DPYD: variants seen among roughly 807,000 people sequenced by gnomAD.
DPYD encodes the protein dihydropyrimidine dehydrogenase [NADP(+)].
A neutral mutation model predicts 116.2 loss-of-function variants in DPYD; 109 were observed. The ratio of observed to expected loss-of-function variants is 0.94; its 90% CI spans 0.80 to 1.10. DPYD has a LOEUF of 1.10. Ranked by LOEUF, DPYD falls within the 50% of genes least tolerant of loss-of-function variation. The pLI is 0.00. For missense variants in DPYD, 1,302 were observed against 1,254.5 expected, an observed-to-expected ratio of 1.04 and a Z score of -0.57; for synonymous variants, 440 against 432.0, an observed-to-expected ratio of 1.02 and a Z score of -0.23.
At chr1:97,865,122 A>C (rs944408912) in intron 2 of DPYD, among the ~76,000 whole-genome samples, 7 of 151,980 alleles carry the variant, frequency 4.6e-5, no homozygotes, top group Admixed American at 2.6e-4. Context: ...CATTCTCACC[A>C]GGGGGTTTGA....
chr1:97,421,691 G>C (rs1674593505), intron 14 of DPYD, among the ~76,000 whole-genome samples: 1 of 152,136 alleles, frequency 6.6e-6, no homozygotes, highest in Non-Finnish European at 1.5e-5. Flanking sequence ...CAGGCACCCT[G>C]TCTCCATGTC....
intron 15 of DPYD, among the ~76,000 whole-genome samples, chr1:97,378,142 C>T (rs1671743240): frequency 6.6e-6 from 1 of 152,180 alleles, no homozygotes; most frequent in Non-Finnish European, 1.5e-5. Flanking sequence ...TGAGATAGAC[C>T]TGGGACAGGT....
chr1:97,410,898 G>C (rs1170252858), intron 14 of DPYD, among the ~76,000 whole-genome samples: 2 of 152,048 alleles, frequency 1.3e-5, no homozygotes, highest in Admixed American at 1.3e-4. Context: ...AAAGTTCCTA[G>C]AACTGTGAGC....
intron 1 of DPYD, among the ~76,000 whole-genome samples, chr1:97,898,727 G>C (rs989403452): frequency 6.6e-6 from 1 of 151,848 alleles, no homozygotes; most frequent in African/African-American, 2.4e-5. Context: ...CTAGGTGAAG[G>C]TAACTGAATC....
At chr1:97,747,241 C>T (rs74108303) in intron 3 of DPYD, among the ~76,000 whole-genome samples, 2 of 152,012 alleles carry the variant, frequency 1.3e-5, no homozygotes, top group East Asian at 1.9e-4. Context: ...GAAAAAAATA[C>T]GTAAAAGCAT....
chr1:97,603,715 A>C (rs1362501813), intron 8 of DPYD, among the ~76,000 whole-genome samples: 2 of 152,168 alleles, frequency 1.3e-5, no homozygotes, highest in African/African-American at 4.8e-5. Flanking sequence ...TTTTTACTCA[A>C]GTAAATTCTT....
chr1:97,832,719 A>G (rs188537516), intron 2 of DPYD, among the ~76,000 whole-genome samples: 129 of 152,334 alleles, frequency 8.5e-4, no homozygotes, highest in African/African-American at 3.0e-3. Flanking sequence ...CTCCTGCCAA[A>G]TGAATCCCCA....
At chr1:97,399,634 T>C (rs978332886) in intron 14 of DPYD, among the ~76,000 whole-genome samples, 33 of 152,132 alleles carry the variant, frequency 2.2e-4, no homozygotes, top group African/African-American at 8.0e-4. Context: ...TGAGCAGTGG[T>C]TTGTAGTTCT....
Position 97,187,566 on chromosome 1 carries a change from T to C in DPYD, c.2622+5503A>G, listed in dbSNP as rs147472939. On this transcript the variant is annotated intron_variant, in intron 20 of 22. Transcript: ENST00000370192. ...ATTATTTCATTTGCTGTGCAGAAGCTTTTTATTTTAAGTCCCATTTGTCTA... is the reference window on the plus strand; with the variant it reads ...ATTATTTCATTTGCTGTGCAGAAGCCTTTTATTTTAAGTCCCATTTGTCTA... Among the ~76,000 whole-genome samples, 1,301 of 152,298 alleles carry C rather than the reference T, an allele frequency of 8.5e-3. 15 individuals are homozygous for C. Among genetic ancestry groups the C allele is most frequent in the Admixed American group, 0.013 (204 of 15,294 alleles).
At chr1:97,627,152 A>G (rs1355708533) in intron 8 of DPYD, among the ~76,000 whole-genome samples, 2 of 151,910 alleles carry the variant, frequency 1.3e-5, no homozygotes, top group African/African-American at 2.4e-5. Context: ...CCACCTCCTA[A>G]TACCATTACA....
At chr1:97,363,395 G>A (rs928935109) in intron 16 of DPYD, among the ~76,000 whole-genome samples, 31 of 152,272 alleles carry the variant, frequency 2.0e-4, no homozygotes, top group African/African-American at 7.2e-4. Context: ...ACAGTGTGGC[G>A]ATTTGTCAAG....
chr1:97,862,947 C>T (rs1453161060), intron 2 of DPYD, among the ~76,000 whole-genome samples: 1 of 151,528 alleles, frequency 6.6e-6, no homozygotes, highest in Non-Finnish European at 1.5e-5. Context: ...ATCTACTAGG[C>T]AAAACTGTAA....
intron 18 of DPYD, among the ~76,000 whole-genome samples, chr1:97,300,721 G>C (rs760280761): frequency 1.3e-5 from 2 of 152,048 alleles, no homozygotes; most frequent in Non-Finnish European, 2.9e-5. Flanking sequence ...CACTGGATTT[G>C]TGTTTACGTA....
chr1:97,803,805 G>A (rs184889652), intron 3 of DPYD, among the ~76,000 whole-genome samples: 8 of 151,832 alleles, frequency 5.3e-5, no homozygotes, highest in East Asian at 3.9e-4. Context: ...ATTACCATGC[G>A]TTACATGGTT....
intron 18 of DPYD, among the ~76,000 whole-genome samples, chr1:97,264,162 GTTTTTTT>G (rs71071641): frequency 3.3e-5 from 2 of 60,076 alleles, no homozygotes; most frequent in African/African-American, 4.9e-5. Flanking sequence ...GCAAAATTCT[GTTTTTTT>G]TTTTTTTTTT....
chr1:97,409,546 T>C (rs1673859719), intron 14 of DPYD, among the ~76,000 whole-genome samples: 2 of 152,228 alleles, frequency 1.3e-5, no homozygotes, highest in African/African-American at 4.8e-5. Flanking sequence ...TTAAATGCAA[T>C]GCTTTAAAAA....
At chr1:97,575,058 G>A (rs1459247703) in intron 10 of DPYD, among the ~76,000 whole-genome samples, 1 of 152,156 alleles carries the variant, frequency 6.6e-6, no homozygotes, top group Non-Finnish European at 1.5e-5. Flanking sequence ...CACCTGGAAG[G>A]CTAATTAAAC....
At chr1:97,490,123 T>C (rs962493224) in intron 13 of DPYD, among the ~76,000 whole-genome samples, 3 of 151,884 alleles carry the variant, frequency 2.0e-5, no homozygotes, top group Non-Finnish European at 4.4e-5. Context: ...AAATGGTATA[T>C]GAAAGATGCT....
At chr1:97,568,930 G>A (rs190249399) in intron 11 of DPYD, among the ~76,000 whole-genome samples, 45 of 127,806 alleles carry the variant, frequency 3.5e-4, no homozygotes, top group Admixed American at 2.8e-3. Context: ...AATAGATTCC[G>A]GAAGATCACA....
Sources: gnomAD v4.1 joint callset for allele counts (sites outside exome capture counted in the v4.1 genomes callset) on GRCh38, gnomAD v4.1.1 for gene constraint, MANE v1.5 for transcripts, NCBI Gene and HGNC (gene_info 2026-07-23, HGNC 2026-07-21) for gene names.